Variants in NRCAM observed in about 807,000 individuals in gnomAD.
The protein encoded by NRCAM is NgCAM-related cell adhesion molecule.
A neutral mutation model predicts 156.5 loss-of-function variants in NRCAM; 83 were observed. The ratio of observed to expected loss-of-function variants is 0.53; its 90% CI spans 0.44 to 0.64. The LOEUF is 0.64. Among genes scored for constraint, NRCAM ranks in the 30% least tolerant of loss-of-function variants. NRCAM has a pLI of 0.00. For synonymous variants in NRCAM, 538 were observed against 563.9 expected (o/e 0.95, Z 0.65); for missense variants, 1,417 against 1,597.3 (o/e 0.89, Z 1.92).
rs147245435 is a variant in NRCAM at position 108,390,624 on chromosome 7, G to T, written c.-174+8812C>A. Among the ~76,000 whole-genome samples, 1,356 of 152,130 alleles carry T rather than the reference G, an allele frequency of 8.9e-3. 22 individuals carry two copies. The highest frequency in any genetic ancestry group is 0.031 in the African/African-American group (1,275 of 41,482). On this transcript the variant is annotated intron_variant, in intron 2 of 32. Transcript: ENST00000379028. Reference sequence around the variant, plus strand: ...TCTTGTCTTCTGCTAGCTTTTGAATGTGCTTGCTCTTGCTTCTCTAGATCT... The same window carrying T: ...TCTTGTCTTCTGCTAGCTTTTGAATTTGCTTGCTCTTGCTTCTCTAGATCT...
chr7:108,422,647 G>A (rs538834693), intron 1 of NRCAM, among the ~76,000 whole-genome samples: 1 of 151,810 alleles, frequency 6.6e-6, no homozygotes, highest in Non-Finnish European at 1.5e-5. Context: ...AAGGGCAATA[G>A]GAAGCTGAGG....
At chr7:108,238,851 G>A (rs2095329962) in intron 4 of NRCAM, among the ~76,000 whole-genome samples, 1 of 151,950 alleles carries the variant, frequency 6.6e-6, no homozygotes, top group African/African-American at 2.4e-5. Flanking sequence ...ACAGCAAAAA[G>A]TCAACAAAGT....
chr7:108,230,661 C>T (rs2094198606), intron 8 of NRCAM, among the ~76,000 whole-genome samples: 1 of 152,026 alleles, frequency 6.6e-6, no homozygotes, highest in Non-Finnish European at 1.5e-5. Flanking sequence ...TTTTCCCTTT[C>T]TACTCAGATA....
chr7:108,334,737 C>T (rs1056990984), intron 2 of NRCAM, among the ~76,000 whole-genome samples: 2 of 152,134 alleles, frequency 1.3e-5, no homozygotes, highest in African/African-American at 4.8e-5. Flanking sequence ...ACCAGACACA[C>T]CAAGGAGGGA....
chr7:108,241,764 T>C (rs1424058146), intron 3 of NRCAM, among the ~76,000 whole-genome samples: 2 of 152,186 alleles, frequency 1.3e-5, no homozygotes, highest in South Asian at 2.1e-4. Context: ...TTGACTATGA[T>C]CTACCCAAGG....
chr7:108,426,015 C>T (rs1032401856), intron 1 of NRCAM, among the ~76,000 whole-genome samples: 3 of 152,162 alleles, frequency 2.0e-5, no homozygotes, highest in African/African-American at 4.8e-5. Context: ...GTATATCATA[C>T]AAAGATGACA....
chr7:108,303,975 A>G (rs2098675538), intron 3 of NRCAM, among the ~76,000 whole-genome samples: 1 of 152,136 alleles, frequency 6.6e-6, no homozygotes, highest in Non-Finnish European at 1.5e-5. Flanking sequence ...CTTACTTGCT[A>G]CTGTTTAGGA....
At position 108,182,033 on chromosome 7, in the gene NRCAM, C is replaced by T. The variant is rs2063764689; in HGVS notation, c.2531-96G>A. Reference sequence around the variant, plus strand: ...TCTAATAATTTTGGCTTGAAGCATACTGCAGACCTATTCTATGGATTATTA... The same window carrying T: ...TCTAATAATTTTGGCTTGAAGCATATTGCAGACCTATTCTATGGATTATTA... On this transcript the variant is annotated intron_variant, in intron 23 of 32. Transcript: ENST00000379028. 15 of 814,124 alleles carry T rather than the reference C, an allele frequency of 1.8e-5. No homozygotes were observed. The South Asian group carries it at 2.2e-4, about 12-fold the overall frequency. The allele number at this position is 814,124 out of a possible 1,614,324, so 50.4% of individuals were successfully genotyped here.
intron 2 of NRCAM, among the ~76,000 whole-genome samples, chr7:108,323,491 T>C (rs995509920): frequency 6.6e-6 from 1 of 152,226 alleles, no homozygotes; most frequent in Non-Finnish European, 1.5e-5. Flanking sequence ...ATCTCTTTCA[T>C]TTTAAGAATT....
chr7:108,350,846 C>A (rs1336121969), intron 2 of NRCAM, among the ~76,000 whole-genome samples: 1 of 152,020 alleles, frequency 6.6e-6, no homozygotes, highest in Non-Finnish European at 1.5e-5. Context: ...TAGTTGGCAG[C>A]ATCTTTCTTT....
intron 2 of NRCAM, among the ~76,000 whole-genome samples, chr7:108,338,992 C>T (rs573663925): frequency 1.0e-3 from 159 of 152,346 alleles, no homozygotes; most frequent in Middle Eastern, 6.8e-3. Flanking sequence ...GAGGAAACCT[C>T]ATTGTGAGCA....
intron 3 of NRCAM, among the ~76,000 whole-genome samples, chr7:108,266,067 A>G (rs1308869245): frequency 2.0e-5 from 3 of 152,140 alleles, no homozygotes; most frequent in Admixed American, 6.5e-5. Flanking sequence ...TCTTTTTTTC[A>G]TAGTATTAAT....
chr7:108,437,324 G>A (rs890316436), intron 1 of NRCAM, among the ~76,000 whole-genome samples: 1 of 152,012 alleles, frequency 6.6e-6, no homozygotes, highest in South Asian at 2.1e-4. Flanking sequence ...TGGTTAATGG[G>A]TACAAAACAA....
chr7:108,157,237 A>G (rs1183653751), intron 32 of NRCAM, among the ~76,000 whole-genome samples: 1 of 152,128 alleles, frequency 6.6e-6, no homozygotes, highest in Non-Finnish European at 1.5e-5. Context: ...TTGGGTTTGC[A>G]CTCAATAAGC....
chr7:108,154,409 TC>T (rs1206214876), intron 32 of NRCAM, among the ~76,000 whole-genome samples: 2 of 152,162 alleles, frequency 1.3e-5, no homozygotes, highest in Non-Finnish European at 2.9e-5. Context: ...ATTACTAAAC[TC>T]TCTTATTATA....
chr7:108,176,157 G>A (rs2060416917), intron 27 of NRCAM, among the ~76,000 whole-genome samples: 1 of 152,020 alleles, frequency 6.6e-6, no homozygotes, highest in South Asian at 2.1e-4. Context: ...ACATTCCCCT[G>A]AACTTCAAAT....
rs1421017149 is a variant in NRCAM, at chr7:108,178,104, C to A, written c.2860G>T (p.Ala954Ser). ...TTCACAATCTTCAAAGACGAGGGAG[C>A]ACTGGGGACTTACAGTGAGAACTTA... The part of the protein sequence containing the change: ...VFNTPEGVPS[A>S]PSSLKIVNPT... Residue 954 changes from alanine to serine, a missense_variant, in exon 26 of 33, where the codon GCT becomes TCT. Coordinates refer to ENST00000379028, the MANE Select transcript of NRCAM (RefSeq NM_001037132.4). 6.2e-7 allele frequency: 1 copy of A among 1,612,026 alleles called. No individual in the cohort carries two copies. The highest frequency in any genetic ancestry group is 1.7e-5 in the Admixed American group (1 of 59,568).
At chr7:108,433,936 ACAAACACACACAGTGTT>A (rs1828976517) in intron 1 of NRCAM, among the ~76,000 whole-genome samples, 2 of 152,246 alleles carry the variant, frequency 1.3e-5, no homozygotes. Flanking sequence ...ATGAGCCTTC[ACAAACACACACAGTGTT>A]ATGAAGGGAA....
At chr7:108,211,979 C>T (rs904520650) in intron 11 of NRCAM, among the ~76,000 whole-genome samples, 1 of 152,194 alleles carries the variant, frequency 6.6e-6, no homozygotes, top group African/African-American at 2.4e-5. Flanking sequence ...AACCTAAGAA[C>T]CCTCACAGAG....
Sources: allele counts gnomAD v4.1 joint callset (sites outside exome capture counted in the v4.1 genomes callset), GRCh38; gene constraint gnomAD v4.1.1; transcripts MANE v1.5; gene names NCBI Gene and HGNC (gene_info 2026-07-23, HGNC 2026-07-21).